The following MYO16 variants were observed in gnomAD, a reference collection of about 807,000 sequenced individuals.
The protein encoded by MYO16 is unconventional myosin-XVI.
In MYO16, 94 loss-of-function variants were observed where a neutral mutation model predicts 205.3. The ratio of observed to expected loss-of-function variants is 0.46; its 90% CI spans 0.39 to 0.54. The LOEUF (loss-of-function observed/expected upper bound fraction) is 0.54, where lower values mean the gene tolerates loss of function less well. Ranked by LOEUF, MYO16 falls within the 20% of genes least tolerant of loss-of-function variation. The pLI is 0.00. For synonymous variants in MYO16, 988 were observed against 954.0 expected, an observed-to-expected ratio of 1.04 and a Z score of -0.66; for missense variants, 2,315 against 2,387.5, an observed-to-expected ratio of 0.97 and a Z score of 0.63.
the MYO16 span, among the ~76,000 whole-genome samples, chr13:108,582,482 A>G: frequency 3.9e-5 from 6 of 152,212 alleles, no homozygotes; most frequent in African/African-American, 1.4e-4. Context: ...CCAACTGAGC[A>G]CCCAGCTCAC....
intron 23 of MYO16, among the ~76,000 whole-genome samples, chr13:109,046,021 A>G (rs907762863): frequency 6.6e-6 from 1 of 151,318 alleles, no homozygotes; most frequent in Non-Finnish European, 1.5e-5. Context: ...GCCCTCCCTC[A>G]TGGCGGATCC....
At chr13:108,662,185 G>T (rs1217750715) in intron 1 of MYO16, among the ~76,000 whole-genome samples, 1 of 152,210 alleles carries the variant, frequency 6.6e-6, no homozygotes, top group Non-Finnish European at 1.5e-5. Flanking sequence ...TCTGGTGGAG[G>T]TGGTGAAGGC....
At chr13:109,142,971 C>A (rs75409755) in intron 32 of MYO16, among the ~76,000 whole-genome samples, 5,323 of 152,130 alleles carry the variant, frequency 0.035, 139 homozygotes, top group Non-Finnish European at 0.053. Context: ...ACGCCAAGAA[C>A]CTGGACAACT....
chr13:109,052,615 A>T (rs548790982), intron 25 of MYO16, 140 bp downstream of exon 25: 2 of 664,202 alleles, frequency 3.0e-6, no homozygotes, highest in East Asian at 2.8e-5. Flanking sequence ...AAGAATGCCT[A>T]TCTGATGTAT....
chr13:108,991,937 A>T (rs1415926595), intron 20 of MYO16, among the ~76,000 whole-genome samples: 2 of 152,154 alleles, frequency 1.3e-5, no homozygotes, highest in African/African-American at 4.8e-5. Flanking sequence ...TGTTTTTTAA[A>T]ATTTTTAAGT....
At chr13:108,794,984 C>T (rs1239062177) in intron 6 of MYO16, among the ~76,000 whole-genome samples, 1 of 152,016 alleles carries the variant, frequency 6.6e-6, no homozygotes, top group African/African-American at 2.4e-5. Context: ...TATATTTTTA[C>T]ATTTATTAAA....
intron 32 of MYO16, among the ~76,000 whole-genome samples, chr13:109,151,673 A>C (rs1414641341): frequency 6.6e-6 from 1 of 152,252 alleles, no homozygotes; most frequent in African/African-American, 2.4e-5. Flanking sequence ...TTGGTACATG[A>C]GGGTGTGTCC....
chr13:108,963,415 T>C (rs1209460924), intron 19 of MYO16, among the ~76,000 whole-genome samples: 3 of 152,188 alleles, frequency 2.0e-5, no homozygotes, highest in Non-Finnish European at 4.4e-5. Context: ...ACCTCCTCCA[T>C]GCATAGGTCA....
intron 32 of MYO16, among the ~76,000 whole-genome samples, chr13:109,159,939 C>T (rs1274031272): frequency 6.6e-6 from 1 of 152,248 alleles, no homozygotes; most frequent in Non-Finnish European, 1.5e-5. Flanking sequence ...TGAATCAACT[C>T]AGAAAGCAGC....
chr13:108,580,058 A>G, the MYO16 span, among the ~76,000 whole-genome samples: 1 of 152,228 alleles, frequency 6.6e-6, no homozygotes, highest in Non-Finnish European at 1.5e-5. Flanking sequence ...CAAATACGTA[A>G]TAAATCAATG....
At chr13:109,080,846 G>A (rs1462309655) in intron 27 of MYO16, among the ~76,000 whole-genome samples, 1 of 152,072 alleles carries the variant, frequency 6.6e-6, no homozygotes, top group African/African-American at 2.4e-5. Flanking sequence ...ACCATTACTT[G>A]TAAGTACTGT....
intron 27 of MYO16, among the ~76,000 whole-genome samples, chr13:109,097,626 A>G (rs1356004797): frequency 6.6e-6 from 1 of 152,260 alleles, no homozygotes; most frequent in Non-Finnish European, 1.5e-5. Context: ...ATTCCTGAAT[A>G]CTTCACCCAT....
chr13:109,191,858 C>T (rs1255326561), intron 34 of MYO16, among the ~76,000 whole-genome samples: 1 of 152,164 alleles, frequency 6.6e-6, no homozygotes, highest in African/African-American at 2.4e-5. Context: ...AAACTTTAAT[C>T]TGTTCAGAGT....
chr13:108,746,852 T>A (rs1265156356), intron 4 of MYO16, among the ~76,000 whole-genome samples: 2 of 152,024 alleles, frequency 1.3e-5, no homozygotes, highest in African/African-American at 4.8e-5. Context: ...TTTACTTAAG[T>A]ATAGCATATT....
At chr13:108,777,491 A>C (rs1055285056) in intron 4 of MYO16, among the ~76,000 whole-genome samples, 1 of 152,140 alleles carries the variant, frequency 6.6e-6, no homozygotes, top group South Asian at 2.1e-4. Context: ...TTTAGAGAGG[A>C]TGTGGCAGTG....
the MYO16 span, among the ~76,000 whole-genome samples, chr13:108,583,686 C>T: frequency 6.6e-6 from 1 of 152,102 alleles, no homozygotes; most frequent in Non-Finnish European, 1.5e-5. Context: ...TAATAATTTG[C>T]TCATTTTTGA....
At chr13:108,505,497 C>G in the MYO16 span, among the ~76,000 whole-genome samples, 2 of 152,060 alleles carry the variant, frequency 1.3e-5, no homozygotes, top group Non-Finnish European at 2.9e-5. Context: ...TATGCAAATC[C>G]TTTGTTCGTT....
At chr13:108,905,457 G>T (rs554422874) in intron 15 of MYO16, among the ~76,000 whole-genome samples, 1 of 152,244 alleles carries the variant, frequency 6.6e-6, no homozygotes, top group African/African-American at 2.4e-5. Context: ...GGCTGAGGGG[G>T]ATTGTGAAAA....
intron 1 of MYO16, among the ~76,000 whole-genome samples, chr13:108,642,735 T>C (rs1303914766): frequency 6.6e-6 from 1 of 152,194 alleles, no homozygotes; most frequent in Non-Finnish European, 1.5e-5. Context: ...GTTTCTTTTA[T>C]CTGACCCCTC....
Sources: gnomAD v4.1 joint callset for allele counts (sites outside exome capture counted in the v4.1 genomes callset) on GRCh38, gnomAD v4.1.1 for gene constraint, MANE v1.5 for transcripts, NCBI Gene and HGNC (gene_info 2026-07-23, HGNC 2026-07-21) for gene names.